The following SNAPC5 variants were observed in gnomAD, a reference collection of about 807,000 sequenced individuals.
The protein encoded by SNAPC5 is small nuclear RNA activating complex polypeptide 5, also known as snRNA-activating protein complex subunit 5.
In SNAPC5, 12 loss-of-function variants were observed where a neutral mutation model predicts 9.1. That is an observed-to-expected ratio of 1.32 (90% CI 0.85 to 2.15). SNAPC5 has a LOEUF of 2.15. Among genes scored for constraint, SNAPC5 ranks in the 30% most tolerant of loss-of-function variants. SNAPC5 has a pLI of 0.00. For missense variants in SNAPC5, 132 were observed against 114.4 expected (o/e 1.15, Z -0.70); for synonymous variants, 52 against 47.3 (o/e 1.10, Z -0.41).
chr15:66,497,618 G>C, intron 1 of SNAPC5, 24 bp downstream of exon 1: 2 of 1,606,448 alleles, frequency 1.2e-6, no homozygotes, highest in South Asian at 1.1e-5. Flanking sequence ...ATGGAGGAGG[G>C]GCAGGAGAGG....
chr15:66,496,307 TA>T (rs1376562839), intron 1 of SNAPC5, among the ~76,000 whole-genome samples: 1 of 151,540 alleles, frequency 6.6e-6, no homozygotes, highest in Admixed American at 6.6e-5. Context: ...CTCTACTAAA[TA>T]CAAAAAATTA....
intron 2 of SNAPC5, 61 bp from the exon 3 acceptor site, chr15:66,494,613 T>C: frequency 1.7e-6 from 2 of 1,188,724 alleles, no homozygotes; most frequent in Non-Finnish European, 2.5e-6. Context: ...AACAGCAAAT[T>C]CTTAAAAATG....
chr15:66,497,739 G>C lies in SNAPC5; in HGVS notation c.-8C>G. The C allele has an allele frequency of 7.5e-6, 12 of 1,607,316 alleles. No individual in the cohort carries two copies. Among genetic ancestry groups the C allele is most frequent in the Non-Finnish European group, 9.4e-6 (11 of 1,175,698 alleles). Reference sequence around the variant, plus strand: ...CTGAAGCCGGCTCAGCATGTTGCCTGGTCACATAGCCAACCTCCGGGCTGC... The same window carrying C: ...CTGAAGCCGGCTCAGCATGTTGCCTCGTCACATAGCCAACCTCCGGGCTGC... On this transcript the variant is annotated 5_prime_UTR_variant, in exon 1 of 3. Coordinates refer to ENST00000316634, the MANE Select transcript of SNAPC5 (RefSeq NM_001329615.2).
chr15:66,492,179 ACTT>A (rs750467605), downstream of SNAPC5: 316 of 400,058 alleles, frequency 7.9e-4, 1 homozygote, highest in Middle Eastern at 0.013. Context: ...GCCATTGGGA[ACTT>A]CTTTTAGGTA....
At chr15:66,492,543 TC>T (rs1334131661), downstream of SNAPC5, among the ~76,000 whole-genome samples, 3 of 152,202 alleles carry the variant, frequency 2.0e-5, no homozygotes, top group Admixed American at 6.5e-5. Context: ...ACACTGTGTG[TC>T]TTTTACAAAT....
chr15:66,492,409 G>A (rs1893285237), downstream of SNAPC5: 1 of 151,384 alleles, frequency 6.6e-6, no homozygotes, highest in Non-Finnish European at 1.5e-5. Flanking sequence ...GATCAGTGTT[G>A]TATATACTGC....
At chr15:66,492,211 A>G (rs1595890580), downstream of SNAPC5, 1 of 347,930 alleles carries the variant, frequency 2.9e-6, no homozygotes, top group South Asian at 2.2e-5. Context: ...GCTGCTGGTC[A>G]ATACCTCTCC....
At chr15:66,491,895 CA>C (rs551976858), downstream of SNAPC5, 972 of 448,572 alleles carry the variant, frequency 2.2e-3, 19 homozygotes, top group South Asian at 0.015. Context: ...TCTTATCTCA[CA>C]GAACATTTCT....
At chr15:66,494,897 ACTT>A (rs1383647339) in intron 2 of SNAPC5, 3 of 309,732 alleles carry the variant, frequency 9.7e-6, no homozygotes, top group African/African-American at 6.4e-5. Flanking sequence ...GATTTTGCTG[ACTT>A]ACTTGAGGGC....
downstream of SNAPC5, chr15:66,490,114 T>G: frequency 1.9e-6 from 1 of 522,542 alleles, no homozygotes; most frequent in Non-Finnish European, 3.5e-6. Flanking sequence ...GCCTGCTGTC[T>G]CGTTTGGTGG....
downstream of SNAPC5, chr15:66,490,043 G>A (rs544767713): frequency 3.0e-5 from 17 of 568,504 alleles, no homozygotes; most frequent in African/African-American, 2.4e-4. Context: ...ATGGGGATGC[G>A]GCCTTTCCCT....
downstream of SNAPC5, chr15:66,491,924 T>C (rs1893270232): frequency 6.6e-6 from 3 of 455,192 alleles, no homozygotes; most frequent in East Asian, 6.9e-5. Flanking sequence ...CATATACCAA[T>C]AGTTGAGCTG....
At chr15:66,489,794 A>G (rs749827338), downstream of SNAPC5, 4 of 1,571,746 alleles carry the variant, frequency 2.5e-6, no homozygotes, top group South Asian at 1.1e-5. Flanking sequence ...TTCTTACAGT[A>G]CCTGTTTATT....
downstream of SNAPC5, chr15:66,493,431 G>C (rs1469820664): frequency 6.6e-6 from 1 of 152,058 alleles, no homozygotes; most frequent in Non-Finnish European, 1.5e-5. Context: ...GAGGCGGGAG[G>C]AAAACCTGAG....
intron 1 of SNAPC5, among the ~76,000 whole-genome samples, chr15:66,495,678 C>A (rs1003354416): frequency 1.3e-5 from 2 of 152,192 alleles, no homozygotes; most frequent in Admixed American, 1.3e-4. Context: ...CTTCTACAGA[C>A]CTAGCAACTC....
At chr15:66,491,512 T>C (rs548081932), downstream of SNAPC5, 71 of 198,594 alleles carry the variant, frequency 3.6e-4, 1 homozygote, top group South Asian at 5.2e-3. Context: ...CTAATAAATA[T>C]ACTATGAAAT....
chr15:66,491,258 TA>T, downstream of SNAPC5: 1 of 238,174 alleles, frequency 4.2e-6, no homozygotes, highest in Non-Finnish European at 8.3e-6. Context: ...GTTGTATTTC[TA>T]TATTTATTTT....
chr15:66,490,280 G>T, downstream of SNAPC5: 1 of 675,532 alleles, frequency 1.5e-6, no homozygotes, highest in Non-Finnish European at 2.7e-6. Flanking sequence ...TGCACGAGTA[G>T]GCTCCAAGAG....
intron 1 of SNAPC5, 32 bp from the exon 2 acceptor site, chr15:66,495,451 T>C: frequency 7.9e-7 from 1 of 1,259,882 alleles, no homozygotes; most frequent in South Asian, 1.2e-5. Context: ...CACTTTTCCT[T>C]ACTATTTCAC....
Sources: allele counts gnomAD v4.1 joint callset (sites outside exome capture counted in the v4.1 genomes callset), GRCh38; gene constraint gnomAD v4.1.1; transcripts MANE v1.5; gene names NCBI Gene and HGNC (gene_info 2026-07-23, HGNC 2026-07-21).